Variants in SEMA4F observed in about 807,000 individuals in gnomAD.
The protein encoded by SEMA4F is ssemaphorin 4F, also known as semaphorin-4F.
Under a neutral mutation model 78.4 loss-of-function variants are expected in SEMA4F, and 51 were observed. That is an observed-to-expected ratio of 0.65 (90% CI 0.52 to 0.82). SEMA4F has a LOEUF of 0.82. Among genes scored for constraint, SEMA4F ranks in the 40% least tolerant of loss-of-function variants. The probability of loss-of-function intolerance (pLI) is 0.00; values close to 1 mark genes in which losing one functional copy is unlikely to be tolerated. For missense variants in SEMA4F, 938 were observed against 1,014.4 expected, an observed-to-expected ratio of 0.92 and a Z score of 1.02; for synonymous variants, 418 against 408.7, an observed-to-expected ratio of 1.02 and a Z score of -0.27.
At chr2:74,697,777 C>T in the SEMA4F span, among the ~76,000 whole-genome samples, 1 of 152,124 alleles carries the variant, frequency 6.6e-6, no homozygotes, top group African/African-American at 2.4e-5. Context: ...TCCTTTGGGC[C>T]AGGGGCTGGA....
intron 5 of SEMA4F, among the ~76,000 whole-genome samples, chr2:74,667,096 C>T (rs924133627): frequency 6.6e-6 from 1 of 152,114 alleles, no homozygotes; most frequent in African/African-American, 2.4e-5. Flanking sequence ...ATTTTCTCAT[C>T]ATAGAAATTG....
chr2:74,685,226 TAGAG>T (rs1413833520), downstream of SEMA4F, among the ~76,000 whole-genome samples: 1 of 152,146 alleles, frequency 6.6e-6, no homozygotes, highest in Non-Finnish European at 1.5e-5. Context: ...GCTGTTGAAT[TAGAG>T]AGGACTCATG....
downstream of SEMA4F, among the ~76,000 whole-genome samples, chr2:74,684,029 C>A (rs1685752321): frequency 6.6e-6 from 1 of 151,748 alleles, no homozygotes; most frequent in African/African-American, 2.4e-5. Context: ...TTCCCTCCAA[C>A]CTTTTGCAGG....
Position 74,658,018 on chromosome 2 carries a change from TGGG to T in SEMA4F, c.456+68_456+70del. ...CAGTGTGAGTTACTTGGGGTGGTGG[TGGG>T]AGGATGGGAAGGGTTTTCTGTGAGC... On this transcript the variant is annotated intron_variant, in intron 4 of 13. Transcript: ENST00000357877. This position sits in a 1 kb window ranked among gnomAD's most constrained non-coding sequence, Gnocchi z 4.3. 1 of 1,419,120 alleles carries T rather than the reference TGGG, an allele frequency of 7.0e-7. No individual in the cohort carries two copies. Among genetic ancestry groups the T allele is most frequent in the Non-Finnish European group, 9.9e-7 (1 of 1,005,734 alleles). 87.9% of individuals were successfully genotyped at this position (1,419,120 alleles called of 1,614,324 possible). A position where few individuals can be genotyped will look rare whatever the true frequency, so the allele number is the denominator to read the frequency against.
rs756457904 is a variant in SEMA4F, at chr2:74,656,700, A to G, written c.297+15A>G. On this transcript the variant is annotated intron_variant, in intron 2 of 13. Coordinates refer to ENST00000357877, the MANE Select transcript of SEMA4F (RefSeq NM_004263.5). ...GACCCCGCAGGGTGAGAGACAAGAG[A>G]GGGAAGGACCCCTGACCCTGTAGCA... is the stretch of plus-strand genomic sequence containing the variant. The G allele has an allele frequency of 7.4e-6, 12 of 1,613,632 alleles. No homozygotes were observed. In the Admixed American group the frequency reaches 1.2e-4, roughly 16 times the overall value.
At chr2:74,685,621 A>G (rs1434820294), downstream of SEMA4F, among the ~76,000 whole-genome samples, 1 of 152,126 alleles carries the variant, frequency 6.6e-6, no homozygotes, top group African/African-American at 2.4e-5. Flanking sequence ...GGATACTATG[A>G]TTGGTCAGGC....
Position 74,674,885 on chromosome 2 carries a change from CA to C in SEMA4F, c.1002-2del. 3 of 1,613,666 alleles carry C rather than the reference CA, an allele frequency of 1.9e-6. No individual in the cohort carries two copies. The highest frequency in any genetic ancestry group is 2.5e-6 in the Non-Finnish European group (3 of 1,179,840). ...ATATCCAGCTCCAACCTGTGAATTC[CA>C]GGGAGGGGGCTACTATCTCTGCTGT... On this transcript the variant is annotated splice_acceptor_variant, in intron 8 of 13. Transcript: ENST00000357877. LOFTEE classifies it high-confidence loss of function.
chr2:74,684,438 G>T (rs1685767278), downstream of SEMA4F, among the ~76,000 whole-genome samples: 1 of 152,058 alleles, frequency 6.6e-6, no homozygotes, highest in Admixed American at 6.6e-5. Flanking sequence ...TAGTCACTCA[G>T]GAACCAAGGC....
the SEMA4F span, among the ~76,000 whole-genome samples, chr2:74,705,097 T>C: frequency 3.9e-5 from 6 of 152,190 alleles, no homozygotes; most frequent in African/African-American, 1.4e-4. Context: ...ATTTTCTAAA[T>C]ACAAATTACA....
downstream of SEMA4F, among the ~76,000 whole-genome samples, chr2:74,687,099 T>C (rs1217204030): frequency 6.6e-6 from 1 of 152,252 alleles, no homozygotes; most frequent in Non-Finnish European, 1.5e-5. Context: ...TGTTCTGATT[T>C]ACAGAGCCTC....
chr2:74,685,818 A>C (rs1370246051), downstream of SEMA4F, among the ~76,000 whole-genome samples: 2 of 152,230 alleles, frequency 1.3e-5, no homozygotes, highest in Admixed American at 1.3e-4. Context: ...TATCCATCTG[A>C]CAAAGGGCGA....
Position 74,675,402 on chromosome 2 carries a change from G to C in SEMA4F, c.1372+18G>C. 6.2e-7 allele frequency: 1 copy of C among 1,610,064 alleles called. No homozygotes were observed. Among genetic ancestry groups the C allele is most frequent in the Non-Finnish European group, 8.5e-7 (1 of 1,177,016 alleles). Reference sequence around the variant, plus strand: ...GGGGACAGGTATATTTAATGGTCAAGCAGGCTGCCTACCTAGTGCATACAC... The same window carrying C: ...GGGGACAGGTATATTTAATGGTCAACCAGGCTGCCTACCTAGTGCATACAC... On this transcript the variant is annotated intron_variant, in intron 10 of 13. Transcript: ENST00000357877.
intron 4 of SEMA4F, among the ~76,000 whole-genome samples, chr2:74,660,400 T>C (rs967461807): frequency 6.6e-6 from 1 of 152,242 alleles, no homozygotes; most frequent in Non-Finnish European, 1.5e-5. Context: ...TTCTTTTCTT[T>C]GCTTTTTTTC....
intron 12 of SEMA4F, among the ~76,000 whole-genome samples, chr2:74,677,270 T>C (rs577741685): frequency 2.0e-5 from 3 of 152,300 alleles, no homozygotes; most frequent in South Asian, 4.1e-4. Flanking sequence ...AATTGTATAA[T>C]GAATTTCCAT....
chr2:74,665,387 G>A (rs1260798378), intron 5 of SEMA4F, among the ~76,000 whole-genome samples: 1 of 151,622 alleles, frequency 6.6e-6, no homozygotes, highest in Admixed American at 6.6e-5. Flanking sequence ...GTGTCACCAT[G>A]CCCGGCTAAT....
At chr2:74,704,046 G>A in the SEMA4F span, among the ~76,000 whole-genome samples, 1 of 152,138 alleles carries the variant, frequency 6.6e-6, no homozygotes, top group African/African-American at 2.4e-5. Context: ...AAGACAGGCA[G>A]GATGTGTGAA....
chr2:74,662,514 A>G (rs1464271789), intron 4 of SEMA4F, among the ~76,000 whole-genome samples: 2 of 152,180 alleles, frequency 1.3e-5, no homozygotes, highest in African/African-American at 2.4e-5. Flanking sequence ...GGGAAGAGGA[A>G]TAAACTGATG....
rs1166549558 is a variant in SEMA4F, at chr2:74,657,558, T to C, written c.298-7T>C. On this transcript the variant is annotated splice_region_variant and splice_polypyrimidine_tract_variant and intron_variant, in intron 2 of 13. Coordinates refer to ENST00000357877, the MANE Select transcript of SEMA4F (RefSeq NM_004263.5). ...TCTGGGTGAAATGATCACTTCTCCT[T>C]TCTCAGATTGACTGGATGGTTCCTG... 1 of 1,613,920 alleles carries C rather than the reference T, an allele frequency of 6.2e-7. No individual in the cohort carries two copies.
chr2:74,655,317 G>A (rs1358068494), intron 1 of SEMA4F: 2 of 402,882 alleles, frequency 5.0e-6, no homozygotes, highest in Non-Finnish European at 1.0e-5. Flanking sequence ...GAAAAGATGT[G>A]GAAGAAGCTA....
Sources: allele counts gnomAD v4.1 joint callset (sites outside exome capture counted in the v4.1 genomes callset), GRCh38; gene constraint gnomAD v4.1.1; non-coding constraint Gnocchi (gnomAD v3.1); transcripts MANE v1.5; gene names NCBI Gene and HGNC (gene_info 2026-07-23, HGNC 2026-07-21).